The following SKAP2 variants were observed in gnomAD, a reference collection of about 807,000 sequenced individuals.
SKAP2 encodes the protein src kinase associated phosphoprotein 2, also known as src kinase-associated phosphoprotein 2.
A neutral mutation model predicts 54.9 loss-of-function variants in SKAP2; 28 were observed. The ratio of observed to expected loss-of-function variants is 0.51; its 90% CI spans 0.38 to 0.70. The LOEUF (loss-of-function observed/expected upper bound fraction) is 0.70, where lower values mean the gene tolerates loss of function less well. Among genes scored for constraint, SKAP2 ranks in the 30% least tolerant of loss-of-function variants. SKAP2 has a pLI of 0.00. For missense variants in SKAP2, 356 were observed against 424.1 expected, an observed-to-expected ratio of 0.84 and a Z score of 1.41; for synonymous variants, 137 against 134.3, an observed-to-expected ratio of 1.02 and a Z score of -0.14.
At chr7:26,727,899 G>A (rs1406410190) in intron 6 of SKAP2, among the ~76,000 whole-genome samples, 1 of 152,042 alleles carries the variant, frequency 6.6e-6, no homozygotes, top group Non-Finnish European at 1.5e-5. Context: ...CCATGAGTAG[G>A]GACAAACTCT....
chr7:26,797,081 G>A (rs1308629834), intron 4 of SKAP2, among the ~76,000 whole-genome samples: 1 of 152,216 alleles, frequency 6.6e-6, no homozygotes, highest in Non-Finnish European at 1.5e-5. Flanking sequence ...CTTGACTCTA[G>A]TCCCTAATTC....
At chr7:26,821,847 C>T (rs1378894843) in intron 4 of SKAP2, among the ~76,000 whole-genome samples, 1 of 152,182 alleles carries the variant, frequency 6.6e-6, no homozygotes, top group Admixed American at 6.5e-5. Flanking sequence ...TCTTCCCAGG[C>T]CTGAGTTCCC....
intron 7 of SKAP2, 103 bp downstream of exon 7, chr7:26,726,778 AT>A (rs1263593116): frequency 1.7e-5 from 16 of 916,136 alleles, no homozygotes; most frequent in Non-Finnish European, 2.3e-5. Flanking sequence ...TATTTTTATT[AT>A]TGTTAACATG....
intron 11 of SKAP2, among the ~76,000 whole-genome samples, chr7:26,680,834 C>A (rs1786475259): frequency 6.6e-6 from 1 of 152,166 alleles, no homozygotes; most frequent in African/African-American, 2.4e-5. Flanking sequence ...CACATGATAG[C>A]TGCTAATTGG....
intron 9 of SKAP2, among the ~76,000 whole-genome samples, chr7:26,695,465 TAA>T (rs1786874594): frequency 6.6e-6 from 1 of 152,246 alleles, no homozygotes; most frequent in Admixed American, 6.5e-5. Context: ...GGAGCTTGAA[TAA>T]CTTGTCAAGG....
At position 26,864,551 on chromosome 7, in the gene SKAP2, G is replaced by A; in HGVS notation, c.-122C>T. The stretch of plus-strand genomic sequence containing the variant: ...CGGATTAAGAACAGCGGGGCTACGA[G>A]TCGGGACACTGCCGGGCCGGGGCTC... On this transcript the variant is annotated 5_prime_UTR_variant, in exon 1 of 13. Transcript: ENST00000345317. 6.9e-6 allele frequency: 10 copies of A among 1,448,478 alleles called. No individual in the cohort carries two copies. Among genetic ancestry groups the A allele is most frequent in the Non-Finnish European group, 9.1e-6 (10 of 1,101,040 alleles). The allele number at this position is 1,448,478 out of a possible 1,614,324, so 89.7% of individuals were successfully genotyped here. A position where few individuals can be genotyped will look rare whatever the true frequency, so the allele number is the denominator to read the frequency against.
At chr7:26,704,065 A>G (rs760724115) in intron 9 of SKAP2, among the ~76,000 whole-genome samples, 2 of 152,226 alleles carry the variant, frequency 1.3e-5, no homozygotes, top group Non-Finnish European at 2.9e-5. Flanking sequence ...ATGATGTCAT[A>G]TTGACATATA....
chr7:26,747,767 C>G (rs1479509718), intron 4 of SKAP2, among the ~76,000 whole-genome samples: 1 of 151,832 alleles, frequency 6.6e-6, no homozygotes, highest in Middle Eastern at 3.4e-3. Context: ...TTCTTCTCAC[C>G]TTCCTTTTCC....
chr7:26,842,860 A>T (rs1036168090), intron 4 of SKAP2, among the ~76,000 whole-genome samples: 8 of 151,738 alleles, frequency 5.3e-5, no homozygotes, highest in Non-Finnish European at 1.2e-4. Flanking sequence ...TCTCTTTAAA[A>T]GATAGAAAGT....
At chr7:26,848,455 A>G (rs10227231) in intron 3 of SKAP2, among the ~76,000 whole-genome samples, 32,261 of 152,074 alleles carry the variant, frequency 0.21, 3,518 homozygotes, top group Non-Finnish European at 0.24. Context: ...TTCATGCACA[A>G]AATTACAAGG....
chr7:26,798,604 A>T (rs1194461354), intron 4 of SKAP2, among the ~76,000 whole-genome samples: 1 of 151,228 alleles, frequency 6.6e-6, no homozygotes, highest in East Asian at 1.9e-4. Flanking sequence ...AAGTACACAG[A>T]AAAACACAGA....
At chr7:26,743,977 T>C (rs944862544) in intron 4 of SKAP2, among the ~76,000 whole-genome samples, 11 of 152,124 alleles carry the variant, frequency 7.2e-5, no homozygotes, top group Admixed American at 7.2e-4. Context: ...CTTAAAGCTT[T>C]TGCTTTAAAA....
intron 4 of SKAP2, among the ~76,000 whole-genome samples, chr7:26,740,931 TGAGCCAA>T (rs1211064551): frequency 6.6e-6 from 1 of 151,148 alleles, no homozygotes; most frequent in African/African-American, 2.4e-5. Context: ...GAGGTTGCAG[TGAGCCAA>T]GATCACGCCA....
At chr7:26,709,762 T>G (rs1371405715) in intron 9 of SKAP2, among the ~76,000 whole-genome samples, 1 of 152,172 alleles carries the variant, frequency 6.6e-6, no homozygotes, top group African/African-American at 2.4e-5. Flanking sequence ...CAAAGGAGAA[T>G]GTCATTTCCT....
chr7:26,767,841 T>C (rs1246520123), intron 4 of SKAP2, among the ~76,000 whole-genome samples: 1 of 152,222 alleles, frequency 6.6e-6, no homozygotes, highest in Non-Finnish European at 1.5e-5. Context: ...TATTATGATT[T>C]CTGTTCTTTT....
intron 4 of SKAP2, among the ~76,000 whole-genome samples, chr7:26,773,725 C>T (rs189585589): frequency 6.6e-6 from 1 of 152,190 alleles, no homozygotes; most frequent in Non-Finnish European, 1.5e-5. Context: ...TAGGGAGGCA[C>T]AAAAACAAAG....
intron 4 of SKAP2, among the ~76,000 whole-genome samples, chr7:26,803,546 G>C (rs1783958475): frequency 6.6e-6 from 1 of 152,122 alleles, no homozygotes; most frequent in Non-Finnish European, 1.5e-5. Context: ...AACTACCATG[G>C]AAAACAGTTT....
chr7:26,852,253 T>A (rs1349049650), intron 3 of SKAP2, among the ~76,000 whole-genome samples: 1 of 152,174 alleles, frequency 6.6e-6, no homozygotes, highest in Admixed American at 6.5e-5. Flanking sequence ...GAAAATAAAT[T>A]CCTATTTTTA....
At chr7:26,734,784 C>T (rs192246069) in intron 6 of SKAP2, among the ~76,000 whole-genome samples, 31 of 152,256 alleles carry the variant, frequency 2.0e-4, no homozygotes, top group African/African-American at 6.7e-4. Context: ...TTTATAGAGA[C>T]ATATCCCATT....
Sources: gnomAD v4.1 joint callset for allele counts (sites outside exome capture counted in the v4.1 genomes callset) on GRCh38, gnomAD v4.1.1 for gene constraint, MANE v1.5 for transcripts, NCBI Gene and HGNC (gene_info 2026-07-23, HGNC 2026-07-21) for gene names.